The following CORIN variants were observed in gnomAD, a reference collection of about 807,000 sequenced individuals.
CORIN encodes atrial natriuretic peptide-converting enzyme.
Under a neutral mutation model 125.3 loss-of-function variants are expected in CORIN, and 117 were observed. The ratio of observed to expected loss-of-function variants is 0.93; its 90% CI spans 0.80 to 1.09. The LOEUF (loss-of-function observed/expected upper bound fraction) is 1.09. Ranked by LOEUF, CORIN falls within the 50% of genes least tolerant of loss-of-function variation. CORIN has a pLI of 0.00. For synonymous variants in CORIN, 450 were observed against 466.4 expected (o/e 0.96, Z 0.45); for missense variants, 1,253 against 1,306.7 (o/e 0.96, Z 0.63).
chr4:47,682,432 A>T (rs1415308759), intron 7 of CORIN: 1 of 111,836 alleles, frequency 8.9e-6, no homozygotes, highest in Non-Finnish European at 1.8e-5. Flanking sequence ...ATGGAGCAAG[A>T]CTCCATCTCA....
At chr4:47,721,701 C>A (rs1438286630) in intron 5 of CORIN, among the ~76,000 whole-genome samples, 1 of 152,148 alleles carries the variant, frequency 6.6e-6, no homozygotes, top group Non-Finnish European at 1.5e-5. Context: ...GAAGAATAAC[C>A]ATAATCCTCA....
At chr4:47,604,931 A>G (rs754429510) in intron 19 of CORIN, among the ~76,000 whole-genome samples, 7 of 152,222 alleles carry the variant, frequency 4.6e-5, no homozygotes, top group Non-Finnish European at 7.3e-5. Flanking sequence ...GACAAATCCT[A>G]GACTCCCCTG....
intron 1 of CORIN, among the ~76,000 whole-genome samples, chr4:47,817,575 G>A (rs1732328907): frequency 1.3e-5 from 2 of 152,156 alleles, no homozygotes; most frequent in South Asian, 4.1e-4. Context: ...AGGACAAAAG[G>A]TGCTGCCTGG....
chr4:47,735,394 TA>T (rs1289665661), intron 5 of CORIN, among the ~76,000 whole-genome samples: 1 of 152,112 alleles, frequency 6.6e-6, no homozygotes, highest in African/African-American at 2.4e-5. Flanking sequence ...ATGAAAAAAA[TA>T]TTACAACCAA....
chr4:47,765,542 G>A lies in CORIN; in HGVS notation c.410-1956C>T, dbSNP rs192318330. 1.4e-3 allele frequency among the ~76,000 whole-genome samples: 206 copies of A among 152,284 alleles called. 3 individuals are homozygous for A. The South Asian group carries it at 0.018, about 13-fold the overall frequency. On this transcript the variant is annotated intron_variant, in intron 3 of 21. Transcript: ENST00000273857. ...ACAATAGATTCCCAGAAGTAGGATT[G>A]CTGGGTAAACGGATAAATGCTTTCA... is the stretch of plus-strand genomic sequence containing the variant.
intron 19 of CORIN, among the ~76,000 whole-genome samples, chr4:47,606,312 G>A (rs7667912): frequency 0.27 from 41,136 of 151,908 alleles, 5,715 homozygotes; most frequent in Admixed American, 0.35. Flanking sequence ...GAGTGCAGTG[G>A]CATGATGATA....
Position 47,626,282 on chromosome 4 carries a change from T to C in CORIN, c.2315+123A>G, listed in dbSNP as rs565047526. The C allele has an allele frequency of 9.0e-6, 6 of 663,922 alleles. No homozygotes were observed. In the East Asian group the frequency reaches 1.2e-4, roughly 14 times the overall value. 41.1% of individuals were successfully genotyped at this position (663,922 alleles called of 1,614,324 possible). ...AAATGTAAAGGCAATAGTAAATCTATGGAAACTCTTTACTGATATGACAAA... is the reference window on the plus strand; with the variant it reads ...AAATGTAAAGGCAATAGTAAATCTACGGAAACTCTTTACTGATATGACAAA... On this transcript the variant is annotated intron_variant, in intron 17 of 21. Transcript: ENST00000273857.
chr4:47,677,475 T>C (rs1334742269), intron 9 of CORIN, among the ~76,000 whole-genome samples: 1 of 152,180 alleles, frequency 6.6e-6, no homozygotes, highest in Admixed American at 6.5e-5. Context: ...TGGATCTAGT[T>C]TTTCTTTTTG....
chr4:47,620,413 C>A (rs1722257645), intron 19 of CORIN, among the ~76,000 whole-genome samples: 3 of 152,148 alleles, frequency 2.0e-5, no homozygotes, highest in African/African-American at 7.2e-5. Flanking sequence ...ATCAGTTGAC[C>A]TGGAGAGATG....
intron 5 of CORIN, among the ~76,000 whole-genome samples, chr4:47,714,014 C>T (rs1726976015): frequency 1.3e-5 from 2 of 152,040 alleles, no homozygotes; most frequent in East Asian, 1.9e-4. Context: ...TGAAAGGAGA[C>T]AGTTGCTATA....
chr4:47,794,901 CTA>C (rs1731226711), intron 2 of CORIN, among the ~76,000 whole-genome samples: 2 of 152,002 alleles, frequency 1.3e-5, no homozygotes, highest in Non-Finnish European at 2.9e-5. Context: ...ATGTTTTCTT[CTA>C]GGAGTTTTAT....
chr4:47,623,117 T>TATATATATATATATACACACAC (rs141525347), intron 19 of CORIN, among the ~76,000 whole-genome samples: 3 of 134,544 alleles, frequency 2.2e-5, no homozygotes, highest in East Asian at 2.3e-4. Context: ...TATATATATA[T>TATATATATATATATACACACAC]ACACACACAC....
chr4:47,771,710 G>C (rs938192948), intron 3 of CORIN, among the ~76,000 whole-genome samples: 2 of 151,932 alleles, frequency 1.3e-5, no homozygotes, highest in South Asian at 4.2e-4. Flanking sequence ...TTTCTATTCA[G>C]GTCTTAACTA....
intron 2 of CORIN, among the ~76,000 whole-genome samples, chr4:47,791,414 G>A (rs1377771560): frequency 2.0e-5 from 3 of 152,184 alleles, no homozygotes; most frequent in Non-Finnish European, 4.4e-5. Context: ...TTAACTCTAA[G>A]ATAATAAATT....
intron 7 of CORIN, chr4:47,681,105 T>G (rs190611729): frequency 6.6e-6 from 1 of 152,344 alleles, no homozygotes; most frequent in African/African-American, 2.4e-5. Flanking sequence ...ACCCTGAATA[T>G]AAGCAGTGTT....
At chr4:47,825,464 G>T (rs1265146006) in intron 1 of CORIN, among the ~76,000 whole-genome samples, 1 of 152,186 alleles carries the variant, frequency 6.6e-6, no homozygotes, top group Admixed American at 6.5e-5. Context: ...AGCGATCCAT[G>T]TTGGATCAGA....
At chr4:47,758,528 A>G (rs1002180358) in intron 4 of CORIN, among the ~76,000 whole-genome samples, 1 of 152,218 alleles carries the variant, frequency 6.6e-6, no homozygotes, top group East Asian at 1.9e-4. Context: ...AACCAAGCCT[A>G]TTAAAAAAAC....
intron 5 of CORIN, among the ~76,000 whole-genome samples, chr4:47,694,801 A>G (rs1268462822): frequency 6.6e-6 from 1 of 152,206 alleles, no homozygotes; most frequent in East Asian, 1.9e-4. Context: ...TTCTCGATTC[A>G]ATGGAAAAAG....
intron 5 of CORIN, among the ~76,000 whole-genome samples, chr4:47,729,612 G>A (rs1727766719): frequency 6.6e-6 from 1 of 152,158 alleles, no homozygotes; most frequent in South Asian, 2.1e-4. Flanking sequence ...AAATGATACA[G>A]ACGGGAGGTG....
Sources: allele counts gnomAD v4.1 joint callset (sites outside exome capture counted in the v4.1 genomes callset), GRCh38; gene constraint gnomAD v4.1.1; transcripts MANE v1.5; gene names NCBI Gene and HGNC (gene_info 2026-07-23, HGNC 2026-07-21).